Variants in RGS17 observed in about 807,000 individuals in gnomAD.
The protein encoded by RGS17 is regulator of G protein signaling 17, also known as regulator of G-protein signaling 17.
A neutral mutation model predicts 25.5 loss-of-function variants in RGS17; 12 were observed. That is an observed-to-expected ratio of 0.47 (90% CI 0.30 to 0.76). The LOEUF is 0.76. Among genes scored for constraint, RGS17 ranks in the 30% least tolerant of loss-of-function variants. The pLI, the probability that RGS17 is intolerant of heterozygous loss-of-function variation, is 0.07. For synonymous variants in RGS17, 71 were observed against 76.9 expected (o/e 0.92, Z 0.40); for missense variants, 196 against 242.2 (o/e 0.81, Z 1.27).
intron 1 of RGS17, among the ~76,000 whole-genome samples, chr6:153,052,800 T>C (rs983042823): frequency 6.6e-6 from 1 of 152,126 alleles, no homozygotes; most frequent in African/African-American, 2.4e-5. Flanking sequence ...CAAACACATA[T>C]GTTGAAATCT....
intron 1 of RGS17, among the ~76,000 whole-genome samples, chr6:153,093,953 C>T (rs1164500494): frequency 1.3e-5 from 2 of 152,028 alleles, no homozygotes. Context: ...GGATTGTTCT[C>T]GGGCCCAAAT....
chr6:153,025,628 T>TTA (rs1309242362), intron 3 of RGS17, among the ~76,000 whole-genome samples: 34 of 145,628 alleles, frequency 2.3e-4, no homozygotes, highest in African/African-American at 5.3e-4. Context: ...AGAAGTATGT[T>TTA]TATATATATA....
chr6:153,091,495 C>T (rs1281567252), intron 1 of RGS17, among the ~76,000 whole-genome samples: 2 of 147,336 alleles, frequency 1.4e-5, no homozygotes, highest in African/African-American at 2.5e-5. Context: ...TTTTTTGAGA[C>T]GGAGTCTCAC....
At chr6:153,096,346 G>T (rs1253921429) in intron 1 of RGS17, among the ~76,000 whole-genome samples, 1 of 152,216 alleles carries the variant, frequency 6.6e-6, no homozygotes, top group African/African-American at 2.4e-5. Flanking sequence ...TCTCTGGGCT[G>T]TTTCCTCATT....
At chr6:153,102,019 C>A (rs898838330) in intron 1 of RGS17, among the ~76,000 whole-genome samples, 3 of 152,222 alleles carry the variant, frequency 2.0e-5, no homozygotes, top group Non-Finnish European at 4.4e-5. Context: ...TACCTACCAA[C>A]AAGGTATCAA....
chr6:153,043,365 G>A (rs1776345773), intron 2 of RGS17, among the ~76,000 whole-genome samples: 1 of 152,086 alleles, frequency 6.6e-6, no homozygotes, highest in Non-Finnish European at 1.5e-5. Flanking sequence ...GTAGTTGTGA[G>A]TCAATGACTC....
chr6:153,006,418 C>CTATG lies in RGS17; in HGVS notation c.*5155_*5156insCATA, dbSNP rs1282132034. 1 of 152,188 alleles carries CTATG rather than the reference C, an allele frequency of 6.6e-6. No individual in the cohort carries two copies. The highest frequency in any genetic ancestry group is 1.9e-4 in the East Asian group (1 of 5,182). The allele number at this position is 152,188 out of a possible 1,614,324, so 9.4% of individuals were successfully genotyped here. ...CTATAATTGTATATCCATTTATCAT[C>CTATG]TATCTATCATCTATCTATCAATCAT... On this transcript the variant is annotated 3_prime_UTR_variant, in exon 5 of 5. Coordinates refer to ENST00000206262, the MANE Select transcript of RGS17 (RefSeq NM_012419.5).
intron 1 of RGS17, among the ~76,000 whole-genome samples, chr6:153,107,135 C>T (rs1416768172): frequency 1.3e-5 from 2 of 151,548 alleles, no homozygotes; most frequent in African/African-American, 4.8e-5. Context: ...AAGTTCAAGA[C>T]CAGCCTGGTC....
intron 1 of RGS17, among the ~76,000 whole-genome samples, chr6:153,107,945 T>TG (rs1488279149): frequency 2.0e-5 from 3 of 152,228 alleles, no homozygotes; most frequent in Non-Finnish European, 4.4e-5. Context: ...ATTGTGTATA[T>TG]GTCATTTAAA....
intron 1 of RGS17, among the ~76,000 whole-genome samples, chr6:153,100,701 G>A (rs1299330356): frequency 8.5e-5 from 13 of 152,106 alleles, no homozygotes; most frequent in Non-Finnish European, 7.4e-5. Flanking sequence ...TTTAGAAGTC[G>A]TTAAATCAAG....
At chr6:153,028,736 CTA>C (rs1329074505) in intron 2 of RGS17, among the ~76,000 whole-genome samples, 1 of 152,166 alleles carries the variant, frequency 6.6e-6, no homozygotes, top group East Asian at 1.9e-4. Flanking sequence ...TATTGAGCTT[CTA>C]TGTGTGTGTG....
chr6:153,022,305 T>C (rs1779255398), intron 4 of RGS17, among the ~76,000 whole-genome samples: 1 of 152,148 alleles, frequency 6.6e-6, no homozygotes. Context: ...ACTCTAAACA[T>C]GCCTCAAAAA....
rs142268086 is a variant in RGS17, at chr6:153,009,505, T to G, written c.*2069A>C. 1 of 152,042 alleles carries G rather than the reference T, an allele frequency of 6.6e-6. No homozygotes were observed. Among genetic ancestry groups the G allele is most frequent in the Admixed American group, 6.5e-5 (1 of 15,268 alleles). The allele number at this position is 152,042 out of a possible 1,614,324, so 9.4% of individuals were successfully genotyped here. On this transcript the variant is annotated 3_prime_UTR_variant, in exon 5 of 5. Transcript: ENST00000206262. ...TTTCTTTACTCTTTAGGAAAAAATA[T>G]GACTTTTTGTAAACATCTTCATAGC...
rs117170804 is a variant in RGS17, at chr6:153,100,843, A to G, written c.-26+30281T>C. On this transcript the variant is annotated intron_variant, in intron 1 of 4. Transcript: ENST00000206262. ...TTGTGCCAATCTCCAAGTTTTGGCC[A>G]AAGGTGGTCAACTGTTCAAAACACG... Among the ~76,000 whole-genome samples the G allele has an allele frequency of 2.6e-5, 4 of 152,334 alleles. No individual in the cohort carries two copies. The East Asian group carries it at 7.7e-4, about 29-fold the overall frequency.
chr6:153,118,842 T>A (rs576142485), intron 1 of RGS17, among the ~76,000 whole-genome samples: 2 of 152,296 alleles, frequency 1.3e-5, no homozygotes, highest in South Asian at 4.1e-4. Context: ...AACTCACTGA[T>A]CTTCTTTCTA....
At chr6:153,024,157 C>T in intron 4 of RGS17, 105 bp downstream of exon 4, 1 of 703,718 alleles carries the variant, frequency 1.4e-6, no homozygotes, top group Non-Finnish European at 2.4e-6. Flanking sequence ...CCAGTGAAAT[C>T]TTCTACCCTC....
In RGS17 at chr6:153,007,167, T is replaced by A. The variant is rs1348995320; in HGVS notation, c.*4407A>T. On this transcript the variant is annotated 3_prime_UTR_variant, in exon 5 of 5. Coordinates refer to ENST00000206262, the MANE Select transcript of RGS17 (RefSeq NM_012419.5). ...CAAAAATACCTATAAATAAATCAAA[T>A]CTGGGTATTCAGAAATAATACTTGT... 6.6e-6 allele frequency: 1 copy of A among 152,160 alleles called. No individual in the cohort carries two copies. The highest frequency in any genetic ancestry group is 1.5e-5 in the Non-Finnish European group (1 of 68,030). The allele number at this position is 152,160 out of a possible 1,614,324, so 9.4% of individuals were successfully genotyped here. A position where few individuals can be genotyped will look rare whatever the true frequency, so the allele number is the denominator to read the frequency against.
At chr6:153,092,521 C>A (rs143075643) in intron 1 of RGS17, among the ~76,000 whole-genome samples, 121 of 152,252 alleles carry the variant, frequency 7.9e-4, no homozygotes, top group Middle Eastern at 6.8e-3. Context: ...TTGTCTCCAC[C>A]CGCCTCCAGT....
rs538471718 is a variant in RGS17, at chr6:153,008,969, C to T, written c.*2605G>A. 1.4e-4 allele frequency: 21 copies of T among 152,252 alleles called. No homozygotes were observed. The South Asian group carries it at 4.4e-3, about 32-fold the overall frequency. The allele number at this position is 152,252 out of a possible 1,614,324, so 9.4% of individuals were successfully genotyped here. A position where few individuals can be genotyped will look rare whatever the true frequency, so the allele number is the denominator to read the frequency against. On this transcript the variant is annotated 3_prime_UTR_variant, in exon 5 of 5. Transcript: ENST00000206262. Reference sequence around the variant, plus strand: ...AATACGAGTTTAGCACAGAAATGCTCACATAGCATGGTTATCAACATCTGA... The same window carrying T: ...AATACGAGTTTAGCACAGAAATGCTTACATAGCATGGTTATCAACATCTGA...
Sources: gnomAD v4.1 joint callset for allele counts (sites outside exome capture counted in the v4.1 genomes callset) on GRCh38, gnomAD v4.1.1 for gene constraint, MANE v1.5 for transcripts, NCBI Gene and HGNC (gene_info 2026-07-23, HGNC 2026-07-21) for gene names.